Variants in SAMMSON observed in about 807,000 individuals in gnomAD.
The protein encoded by SAMMSON is long intergenic non-protein coding RNA 1212.
intron 4 of SAMMSON, chr3:70,126,646 C>T: frequency 3.0e-6 from 1 of 331,732 alleles, no homozygotes; most frequent in Non-Finnish European, 5.7e-6. Flanking sequence ...ACATGTGGGA[C>T]TCACTGTCAA....
intron 3 of SAMMSON, among the ~76,000 whole-genome samples, chr3:70,037,789 G>A (rs138004031): frequency 5.9e-5 from 9 of 152,226 alleles, no homozygotes; most frequent in African/African-American, 2.2e-4. Flanking sequence ...TCCATGTAAT[G>A]CTTCATGTAG....
intron 7 of SAMMSON, among the ~76,000 whole-genome samples, chr3:70,310,996 T>C (rs1027342244): frequency 1.3e-5 from 2 of 152,194 alleles, no homozygotes; most frequent in African/African-American, 4.8e-5. Flanking sequence ...TTCACAGGGT[T>C]GTCATGATGA....
chr3:70,013,140 A>T (rs896374925), intron 2 of SAMMSON, among the ~76,000 whole-genome samples: 2 of 152,094 alleles, frequency 1.3e-5, no homozygotes, highest in Admixed American at 1.3e-4. Context: ...TTTCTGGCAT[A>T]TAGTAAATGT....
Position 70,094,418 on chromosome 3 carries a change from C to T in SAMMSON, n.507+22853C>T, listed in dbSNP as rs370027864. Among the ~76,000 whole-genome samples, 14 of 152,264 alleles carry T rather than the reference C, an allele frequency of 9.2e-5. No individual in the cohort carries two copies. The South Asian group carries it at 1.2e-3, about 14-fold the overall frequency. On this transcript the variant is annotated intron_variant and non_coding_transcript_variant, in intron 4 of 9. Coordinates refer to ENST00000642114, the Ensembl canonical transcript of SAMMSON. ...CATCCCCACTAAATACCTTTGATGA[C>T]GTTCCACTCCATTGCTCTTAAGATA...
At chr3:70,331,458 C>T (rs1702620882) in intron 7 of SAMMSON, among the ~76,000 whole-genome samples, 1 of 152,140 alleles carries the variant, frequency 6.6e-6, no homozygotes, top group Non-Finnish European at 1.5e-5. Flanking sequence ...TTTTCCACCC[C>T]CACAAATCCA....
intron 2 of SAMMSON, among the ~76,000 whole-genome samples, chr3:70,410,852 T>C (rs749764579): frequency 6.6e-6 from 1 of 152,200 alleles, no homozygotes; most frequent in Non-Finnish European, 1.5e-5. Context: ...TGCACAGCAA[T>C]GACCTTCCAA....
At chr3:70,412,818 G>A (rs949825917) in intron 2 of SAMMSON, among the ~76,000 whole-genome samples, 2 of 152,062 alleles carry the variant, frequency 1.3e-5, no homozygotes, top group African/African-American at 4.8e-5. Context: ...TTGTTCTTAA[G>A]ATATTGCCAA....
chr3:70,231,672 A>T (rs1701561169), intron 4 of SAMMSON, among the ~76,000 whole-genome samples: 1 of 152,102 alleles, frequency 6.6e-6, no homozygotes, highest in Non-Finnish European at 1.5e-5. Context: ...GAGAGAGAGA[A>T]GGGAAGAAAG....
chr3:70,364,711 G>T (rs1400428390), intron 9 of SAMMSON, among the ~76,000 whole-genome samples: 1 of 151,726 alleles, frequency 6.6e-6, no homozygotes, highest in East Asian at 1.9e-4. Flanking sequence ...ATTTCCTATT[G>T]TTGTAATCTT....
chr3:70,003,698 C>T (rs1174663913), intron 1 of SAMMSON, among the ~76,000 whole-genome samples: 1 of 138,904 alleles, frequency 7.2e-6, no homozygotes, highest in East Asian at 2.2e-4. Flanking sequence ...TTCATTTTGA[C>T]ACATCACATA....
chr3:70,008,192 G>A (rs937350299), intron 1 of SAMMSON, among the ~76,000 whole-genome samples: 3 of 152,066 alleles, frequency 2.0e-5, no homozygotes, highest in East Asian at 1.9e-4. Context: ...GAAAGTCATC[G>A]GTAGCTTGAT....
chr3:70,192,205 C>G (rs1009875808), intron 4 of SAMMSON, among the ~76,000 whole-genome samples: 11 of 152,284 alleles, frequency 7.2e-5, no homozygotes, highest in African/African-American at 2.4e-4. Context: ...AAGGAAAATT[C>G]CGGAGAGAAG....
At chr3:70,240,052 A>G (rs770331432) in intron 4 of SAMMSON, among the ~76,000 whole-genome samples, 5 of 152,128 alleles carry the variant, frequency 3.3e-5, no homozygotes, top group Non-Finnish European at 5.9e-5. Flanking sequence ...TGAGTGCTTC[A>G]ATGCTCAATA....
intron 7 of SAMMSON, among the ~76,000 whole-genome samples, chr3:70,318,420 AG>A (rs1210576068): frequency 6.6e-6 from 1 of 151,728 alleles, no homozygotes; most frequent in African/African-American, 2.4e-5. Flanking sequence ...AACCTGGCAT[AG>A]TTTTCATTTT....
In SAMMSON at chr3:70,032,807, A is replaced by G. The variant is rs576297355; in HGVS notation, n.417+19135A>G. On this transcript the variant is annotated intron_variant and non_coding_transcript_variant, in intron 3 of 9. Transcript: ENST00000642114. The stretch of plus-strand genomic sequence containing the variant: ...AGCACTAAGCCAACAACTACAATCA[A>G]CTATAGGAAGTGCTGCAACAGGGCT... Among the ~76,000 whole-genome samples, 55 of 152,326 alleles carry G rather than the reference A, an allele frequency of 3.6e-4. No individual in the cohort carries two copies. In the South Asian group the frequency reaches 0.011, roughly 31 times the overall value.
At chr3:70,309,991 A>G (rs1702440611) in intron 7 of SAMMSON, among the ~76,000 whole-genome samples, 1 of 152,186 alleles carries the variant, frequency 6.6e-6, no homozygotes, top group African/African-American at 2.4e-5. Flanking sequence ...TGTAGCACAG[A>G]GTAATTAAAG....
At chr3:70,086,097 G>A (rs1259560339) in intron 4 of SAMMSON, among the ~76,000 whole-genome samples, 1 of 152,158 alleles carries the variant, frequency 6.6e-6, no homozygotes, top group Non-Finnish European at 1.5e-5. Flanking sequence ...ATTGGATGTG[G>A]CAAGTCATTT....
At chr3:70,115,308 G>A (rs1376919799) in intron 4 of SAMMSON, among the ~76,000 whole-genome samples, 1 of 151,640 alleles carries the variant, frequency 6.6e-6, no homozygotes, top group African/African-American at 2.4e-5. Flanking sequence ...TTGAACCCAT[G>A]CCTCTTAGAT....
At chr3:70,079,854 G>C (rs563902414) in intron 4 of SAMMSON, among the ~76,000 whole-genome samples, 1 of 152,288 alleles carries the variant, frequency 6.6e-6, no homozygotes, top group South Asian at 2.1e-4. Flanking sequence ...TTAACCATCA[G>C]TGCACCAAGC....
Sources: gnomAD v4.1 joint callset for allele counts (sites outside exome capture counted in the v4.1 genomes callset) on GRCh38, gnomAD v4.1.1 for gene constraint, MANE v1.5 for transcripts, NCBI Gene and HGNC (gene_info 2026-07-23, HGNC 2026-07-21) for gene names.